The following NYAP2 variants were observed in gnomAD, a reference collection of about 807,000 sequenced individuals.
NYAP2 encodes the protein neuronal tyrosine-phosphorylated phosphoinositide-3-kinase adapter 2.
A neutral mutation model predicts 50.4 loss-of-function variants in NYAP2; 23 were observed. That is an observed-to-expected ratio of 0.46 (90% CI 0.33 to 0.65). NYAP2 has a LOEUF of 0.65. NYAP2 is among the 30% of genes least tolerant of loss of function. The probability of loss-of-function intolerance (pLI) is 0.02; values close to 1 mark genes in which losing one functional copy is unlikely to be tolerated. For missense variants in NYAP2, 885 were observed against 861.0 expected (o/e 1.03, Z -0.35); for synonymous variants, 394 against 365.2 (o/e 1.08, Z -0.90).
At chr2:225,415,881 T>TA (rs762183963) in intron 3 of NYAP2, among the ~76,000 whole-genome samples, 1,486 of 146,614 alleles carry the variant, frequency 0.01, 10 homozygotes, top group Non-Finnish European at 0.016. Context: ...TTGAGCAACA[T>TA]AAAAAAAAAA....
At chr2:225,610,145 G>A (rs189495022) in intron 5 of NYAP2, among the ~76,000 whole-genome samples, 58 of 152,220 alleles carry the variant, frequency 3.8e-4, no homozygotes, top group African/African-American at 1.0e-3. Flanking sequence ...TTTCATGTAC[G>A]GTTGGTATGT....
chr2:225,455,026 G>T (rs1467913485), intron 3 of NYAP2, among the ~76,000 whole-genome samples: 2 of 152,074 alleles, frequency 1.3e-5, no homozygotes, highest in African/African-American at 2.4e-5. Context: ...AACTTCACTG[G>T]CAACTGAAGA....
intron 4 of NYAP2, among the ~76,000 whole-genome samples, chr2:225,534,632 A>G (rs575757280): frequency 1.3e-5 from 2 of 152,342 alleles, no homozygotes; most frequent in South Asian, 2.1e-4. Flanking sequence ...GACAGAAAAG[A>G]CATCATCTTG....
chr2:225,402,428 T>C (rs1559170640), intron 2 of NYAP2, among the ~76,000 whole-genome samples: 1 of 152,054 alleles, frequency 6.6e-6, no homozygotes. Context: ...CTGGAACCAT[T>C]TGGCCCAAGC....
At chr2:225,682,935 TGAC>T in the NYAP2 span, among the ~76,000 whole-genome samples, 1 of 152,260 alleles carries the variant, frequency 6.6e-6, no homozygotes, top group East Asian at 1.9e-4. Context: ...TGGAAGCCAT[TGAC>T]ATTTCTAGGC....
the NYAP2 span, among the ~76,000 whole-genome samples, chr2:225,663,122 C>A: frequency 6.6e-6 from 1 of 152,174 alleles, no homozygotes; most frequent in Admixed American, 6.5e-5. Flanking sequence ...TTACTGTAAG[C>A]ATGCATGGAG....
exon 7 of NYAP2, chr2:225,651,689 T>A (rs1267746538): frequency 3.2e-6 from 3 of 949,186 alleles, no homozygotes; most frequent in Admixed American, 2.6e-5. Context: ...GGATGAGTTC[T>A]GGCAGTCTGT....
the NYAP2 span, among the ~76,000 whole-genome samples, chr2:225,675,819 T>C: frequency 1.3e-5 from 2 of 152,154 alleles, no homozygotes; most frequent in Non-Finnish European, 2.9e-5. Flanking sequence ...GTTTTGTGAT[T>C]TTTTAATAGT....
intron 3 of NYAP2, among the ~76,000 whole-genome samples, chr2:225,424,051 T>C (rs576276900): frequency 6.6e-6 from 1 of 152,312 alleles, no homozygotes; most frequent in African/African-American, 2.4e-5. Context: ...GAATTCAAGA[T>C]TGAGACTGAA....
intron 3 of NYAP2, among the ~76,000 whole-genome samples, chr2:225,416,818 G>A (rs1695131776): frequency 6.6e-6 from 1 of 152,076 alleles, no homozygotes; most frequent in Non-Finnish European, 1.5e-5. Context: ...GCAAGAGGAG[G>A]GGCCTTTCAG....
chr2:225,429,393 C>G (rs1695331676), intron 3 of NYAP2, among the ~76,000 whole-genome samples: 1 of 152,200 alleles, frequency 6.6e-6, no homozygotes, highest in Non-Finnish European at 1.5e-5. Context: ...CTTGGGACAG[C>G]TTTCACATCG....
Position 225,406,759 on chromosome 2 carries a change from ATTAG to A in NYAP2, c.-17-2101_-17-2098del, listed in dbSNP as rs1228093391. Among the ~76,000 whole-genome samples the A allele has an allele frequency of 3.3e-5, 5 of 152,096 alleles. No individual in the cohort carries two copies. The East Asian group carries it at 7.7e-4, about 24-fold the overall frequency. On this transcript the variant is annotated intron_variant, in intron 2 of 6. Transcript: ENST00000636099. ...TATAGTGTAAATACTTTATAATATT[ATTAG>A]TTAATAATTTCTCAGAACAAAAATA...
intron 3 of NYAP2, among the ~76,000 whole-genome samples, chr2:225,508,066 T>C (rs939346063): frequency 2.0e-5 from 3 of 152,272 alleles, no homozygotes; most frequent in African/African-American, 7.2e-5. Flanking sequence ...TTTTACACTT[T>C]GTGTTTTGTA....
intron 4 of NYAP2, among the ~76,000 whole-genome samples, chr2:225,556,339 T>C (rs1691775642): frequency 6.6e-6 from 1 of 152,242 alleles, no homozygotes; most frequent in African/African-American, 2.4e-5. Flanking sequence ...TTTTATTACA[T>C]GTTAAACATA....
chr2:225,681,399 C>T, the NYAP2 span, among the ~76,000 whole-genome samples: 1 of 152,142 alleles, frequency 6.6e-6, no homozygotes, highest in Non-Finnish European at 1.5e-5. Flanking sequence ...TGCATAAATC[C>T]TGACAACAGC....
Position 225,408,693 on chromosome 2 carries a change from C to T in NYAP2, c.-17-171C>T, listed in dbSNP as rs1266716786. ...GAGAGAAGGTTTGCTATTCAGGTAG[C>T]ACTTATTTAATATTTACTTCAAATA... On this transcript the variant is annotated intron_variant, in intron 2 of 6. Transcript: ENST00000636099. Among the ~76,000 whole-genome samples, 5 of 152,046 alleles carry T rather than the reference C, an allele frequency of 3.3e-5. No individual in the cohort carries two copies. In the East Asian group the frequency reaches 7.7e-4, roughly 23 times the overall value.
chr2:225,421,159 C>T (rs1695208898), intron 3 of NYAP2, among the ~76,000 whole-genome samples: 1 of 152,130 alleles, frequency 6.6e-6, no homozygotes, highest in Non-Finnish European at 1.5e-5. Context: ...AATCCTCCCT[C>T]CCCAGGCTTC....
At chr2:225,475,742 T>C (rs946650959) in intron 3 of NYAP2, among the ~76,000 whole-genome samples, 3 of 152,192 alleles carry the variant, frequency 2.0e-5, no homozygotes, top group African/African-American at 7.2e-5. Flanking sequence ...AATCTCCTAG[T>C]CTGGTTTTGT....
intron 3 of NYAP2, among the ~76,000 whole-genome samples, chr2:225,412,360 G>A (rs1335266832): frequency 6.9e-6 from 1 of 144,074 alleles, no homozygotes; most frequent in Non-Finnish European, 1.5e-5. Flanking sequence ...TGCAGAAAGA[G>A]AAATATTGAT....
Sources: gnomAD v4.1 joint callset for allele counts (sites outside exome capture counted in the v4.1 genomes callset) on GRCh38, gnomAD v4.1.1 for gene constraint, MANE v1.5 for transcripts, NCBI Gene and HGNC (gene_info 2026-07-23, HGNC 2026-07-21) for gene names.